MACROD2: variants seen among roughly 807,000 people sequenced by gnomAD.
MACROD2 encodes mono-ADP ribosylhydrolase 2.
A neutral mutation model predicts 70.4 loss-of-function variants in MACROD2; 36 were observed. The ratio of observed to expected loss-of-function variants is 0.51; its 90% CI spans 0.39 to 0.68. MACROD2 has a LOEUF of 0.68. MACROD2 is among the 30% of genes least tolerant of loss of function. MACROD2 has a pLI of 0.00. For missense variants in MACROD2, 496 were observed against 538.4 expected (o/e 0.92, Z 0.78); for synonymous variants, 172 against 178.8 (o/e 0.96, Z 0.30).
At chr20:14,108,247 A>G (rs1166794229) in intron 3 of MACROD2, among the ~76,000 whole-genome samples, 4 of 152,080 alleles carry the variant, frequency 2.6e-5, no homozygotes, top group Non-Finnish European at 5.9e-5. Context: ...AAATTGAAAA[A>G]CATACAATGG....
chr20:14,886,251 A>G (rs1473855211), intron 5 of MACROD2, among the ~76,000 whole-genome samples: 5 of 152,182 alleles, frequency 3.3e-5, no homozygotes, highest in Admixed American at 6.5e-5. Context: ...TAGAGGAAAC[A>G]GCAAGTGCAA....
At chr20:14,058,613 ATTTTTC>A (rs766883309) in intron 2 of MACROD2, among the ~76,000 whole-genome samples, 12 of 130,126 alleles carry the variant, frequency 9.2e-5, no homozygotes, top group Admixed American at 1.5e-4. Context: ...AGTTCTATTC[ATTTTTC>A]TTTTTCTTTT....
At chr20:15,425,972 A>G (rs977174534) in intron 6 of MACROD2, among the ~76,000 whole-genome samples, 3 of 152,204 alleles carry the variant, frequency 2.0e-5, no homozygotes, top group Non-Finnish European at 2.9e-5. Context: ...CCTTACCCTT[A>G]AATTACTTAG....
chr20:15,073,333 T>G (rs2075633034), intron 5 of MACROD2, among the ~76,000 whole-genome samples: 1 of 152,070 alleles, frequency 6.6e-6, no homozygotes. Context: ...TCAACCATTC[T>G]CACTACTAGA....
intron 6 of MACROD2, among the ~76,000 whole-genome samples, chr20:15,409,572 G>T (rs1452998303): frequency 6.6e-6 from 1 of 152,272 alleles, no homozygotes; most frequent in African/African-American, 2.4e-5. Context: ...CCCAGAAGCA[G>T]ACAGTGAGAC....
intron 15 of MACROD2, among the ~76,000 whole-genome samples, chr20:16,006,890 TTTG>T (rs1356776320): frequency 5.9e-5 from 9 of 152,222 alleles, no homozygotes; most frequent in Non-Finnish European, 5.9e-5. Context: ...ACGACCTCTT[TTTG>T]TCTCAAGTAC....
chr20:15,912,488 C>A (rs1435400912), intron 10 of MACROD2, among the ~76,000 whole-genome samples: 2 of 152,164 alleles, frequency 1.3e-5, no homozygotes, highest in African/African-American at 2.4e-5. Flanking sequence ...AGGTTTAAAA[C>A]CTGATTTTGA....
chr20:14,039,520 C>A (rs1393604638), intron 2 of MACROD2, among the ~76,000 whole-genome samples: 4 of 152,050 alleles, frequency 2.6e-5, no homozygotes, highest in African/African-American at 9.7e-5. Context: ...TGTTAATTTA[C>A]AAAAGGATTG....
At chr20:15,824,217 T>C (rs1568581764) in intron 8 of MACROD2, among the ~76,000 whole-genome samples, 1 of 152,078 alleles carries the variant, frequency 6.6e-6, no homozygotes, top group Non-Finnish European at 1.5e-5. Context: ...TTGAGCCCAC[T>C]GATAAATCAC....
chr20:14,501,309 A>G (rs1251917844), intron 4 of MACROD2, among the ~76,000 whole-genome samples: 2 of 152,088 alleles, frequency 1.3e-5, no homozygotes, highest in African/African-American at 2.4e-5. Flanking sequence ...TGTTTCATTC[A>G]TGTTTTACCA....
chr20:14,962,641 C>T (rs192692820), intron 5 of MACROD2, among the ~76,000 whole-genome samples: 7 of 151,384 alleles, frequency 4.6e-5, no homozygotes, highest in African/African-American at 1.5e-4. Flanking sequence ...ACCTCCTCTT[C>T]CTCTTTTCTT....
At chr20:15,208,469 T>G (rs1467972719) in intron 5 of MACROD2, among the ~76,000 whole-genome samples, 1 of 152,218 alleles carries the variant, frequency 6.6e-6, no homozygotes, top group Admixed American at 6.5e-5. Context: ...GTTCTTGGTA[T>G]AATGAGTGAT....
At chr20:14,836,521 T>C (rs1260029975) in intron 5 of MACROD2, among the ~76,000 whole-genome samples, 1 of 152,032 alleles carries the variant, frequency 6.6e-6, no homozygotes, top group Non-Finnish European at 1.5e-5. Flanking sequence ...GCTCTGCATA[T>C]GATGACTGTC....
rs1036607251 is a variant in MACROD2, at chr20:14,014,919, G to C, written c.163+12515G>C. Among the ~76,000 whole-genome samples, 3 of 151,464 alleles carry C rather than the reference G, an allele frequency of 2.0e-5. No homozygotes were observed. The East Asian group carries it at 5.8e-4, about 29-fold the overall frequency. On this transcript the variant is annotated intron_variant, in intron 2 of 17. Transcript: ENST00000684519. ...GGGCTCAATCAATTCTCCTACCTCA[G>C]CCTCCTGAGTAGTTGGGACTACAGG... is the stretch of plus-strand genomic sequence containing the variant.
At chr20:14,741,503 A>C (rs2071731605) in intron 5 of MACROD2, among the ~76,000 whole-genome samples, 1 of 152,164 alleles carries the variant, frequency 6.6e-6, no homozygotes, top group Non-Finnish European at 1.5e-5. Flanking sequence ...AAATATGAGA[A>C]TAGGTATATT....
rs374934489 is a variant in MACROD2 at position 14,327,742 on chromosome 20, C to A, written c.272-165737C>A. ...TAGACACTGTCATATAATCTCTTTA[C>A]CTTAATGGTTTCTTAATTTCTTTAT... On this transcript the variant is annotated intron_variant, in intron 3 of 17. Coordinates refer to ENST00000684519, the MANE Select transcript of MACROD2 (RefSeq NM_001351661.2). Among the ~76,000 whole-genome samples, 101 of 152,138 alleles carry A rather than the reference C, an allele frequency of 6.6e-4. 2 individuals are homozygous for A. The South Asian group carries it at 0.019, about 28-fold the overall frequency.
chr20:15,331,172 T>G (rs1432683562), intron 6 of MACROD2, among the ~76,000 whole-genome samples: 1 of 151,746 alleles, frequency 6.6e-6, no homozygotes, highest in African/African-American at 2.4e-5. Context: ...TCTACAACTT[T>G]CCAAGTGTAT....
chr20:15,991,026 GA>G (rs2066550552), intron 15 of MACROD2, among the ~76,000 whole-genome samples: 1 of 148,740 alleles, frequency 6.7e-6, no homozygotes, highest in Admixed American at 6.9e-5. Context: ...GTACCCTATT[GA>G]TAAAAATATA....
intron 4 of MACROD2, among the ~76,000 whole-genome samples, chr20:14,506,882 C>T (rs1381730843): frequency 2.0e-5 from 3 of 152,052 alleles, no homozygotes; most frequent in African/African-American, 7.2e-5. Context: ...ACCCAGGAGG[C>T]GGAGGTTGCA....
Sources: allele counts gnomAD v4.1 joint callset (sites outside exome capture counted in the v4.1 genomes callset), GRCh38; gene constraint gnomAD v4.1.1; transcripts MANE v1.5; gene names NCBI Gene and HGNC (gene_info 2026-07-23, HGNC 2026-07-21).